CDH13: variants seen among roughly 807,000 people sequenced by gnomAD.
CDH13 encodes the protein cadherin-13.
Under a neutral mutation model 63.8 loss-of-function variants are expected in CDH13, and 24 were observed. The observed-to-expected ratio is 0.38, with a 90% confidence interval of 0.27 to 0.53. The LOEUF is 0.53. Ranked by LOEUF, CDH13 falls within the 20% of genes least tolerant of loss-of-function variation. The pLI is 0.85. For synonymous variants in CDH13, 503 were observed against 355.3 expected, an observed-to-expected ratio of 1.42 and a Z score of -4.67; for missense variants, 1,049 against 903.1, an observed-to-expected ratio of 1.16 and a Z score of -2.07.
chr16:83,434,559 C>T (rs1354231410), intron 6 of CDH13, among the ~76,000 whole-genome samples: 2 of 151,988 alleles, frequency 1.3e-5, no homozygotes, highest in African/African-American at 4.8e-5. Context: ...CCCTCCTCCA[C>T]TCCCTCCATC....
At chr16:83,725,425 C>G (rs1212955713) in intron 10 of CDH13, 1 of 152,354 alleles carries the variant, frequency 6.6e-6, no homozygotes, top group African/African-American at 2.4e-5. Context: ...CTCCTCCAGG[C>G]CTACACAGTT....
intron 7 of CDH13, among the ~76,000 whole-genome samples, chr16:83,500,293 TCTCCTTCTCCTTCTC>T (rs2074244056): frequency 5.3e-4 from 1 of 1,888 alleles, no homozygotes; most frequent in African/African-American, 5.8e-4. Context: ...TTCTTCTTCT[TCTCCTTCTCCTTCTC>T]CTTCTCCTTC....
At chr16:82,771,983 G>T (rs57144953) in intron 1 of CDH13, among the ~76,000 whole-genome samples, 1 of 152,212 alleles carries the variant, frequency 6.6e-6, no homozygotes, top group East Asian at 1.9e-4. Flanking sequence ...TGGGCAGGCA[G>T]GGGCACAAGT....
At chr16:82,704,167 C>G (rs2031287286) in intron 1 of CDH13, among the ~76,000 whole-genome samples, 1 of 151,940 alleles carries the variant, frequency 6.6e-6, no homozygotes, top group African/African-American at 2.4e-5. Flanking sequence ...TGGGGGTGGG[C>G]ATGGGGGGTT....
intron 6 of CDH13, among the ~76,000 whole-genome samples, chr16:83,432,496 T>C (rs960550660): frequency 6.6e-6 from 1 of 152,170 alleles, no homozygotes; most frequent in Non-Finnish European, 1.5e-5. Flanking sequence ...TTCTGGGGCA[T>C]GGAGAACAGT....
Position 83,543,627 on chromosome 16 carries a change from T to A in CDH13, c.960+56972T>A, listed in dbSNP as rs965983070. Among the ~76,000 whole-genome samples, 4 of 152,308 alleles carry A rather than the reference T, an allele frequency of 2.6e-5. No homozygotes were observed. The South Asian group carries it at 6.2e-4, about 24-fold the overall frequency. On this transcript the variant is annotated intron_variant, in intron 7 of 13. Transcript: ENST00000567109. ...TTCACCTAAGTCAGTGGTTCTCAAC[T>A]GGGGGTGATTGTGCTCCTCAGGGGA...
At chr16:83,681,718 AGCCTTTG>A (rs1202396607) in intron 10 of CDH13, among the ~76,000 whole-genome samples, 16 of 152,176 alleles carry the variant, frequency 1.1e-4, no homozygotes, top group African/African-American at 3.9e-4. Context: ...AATTATTTGC[AGCCTTTG>A]ATCCTGCACA....
intron 7 of CDH13, among the ~76,000 whole-genome samples, chr16:83,527,639 G>A (rs2074994923): frequency 6.6e-6 from 1 of 152,130 alleles, no homozygotes; most frequent in African/African-American, 2.4e-5. Flanking sequence ...TTTTTCATTT[G>A]TAAGTTAGTG....
chr16:83,103,593 T>G (rs2034620908), intron 3 of CDH13, among the ~76,000 whole-genome samples: 2 of 151,976 alleles, frequency 1.3e-5, no homozygotes, highest in African/African-American at 4.8e-5. Context: ...AGATAAGAGG[T>G]AGAGTGGGTG....
At chr16:82,947,376 A>G (rs918282320) in intron 2 of CDH13, among the ~76,000 whole-genome samples, 14 of 152,200 alleles carry the variant, frequency 9.2e-5, no homozygotes, top group African/African-American at 3.4e-4. Flanking sequence ...GAATTAAAAA[A>G]TATTATAGTT....
chr16:82,848,089 AG>A (rs922156674), intron 1 of CDH13, among the ~76,000 whole-genome samples: 1 of 152,140 alleles, frequency 6.6e-6, no homozygotes, highest in Non-Finnish European at 1.5e-5. Context: ...AGAAAGTTGG[AG>A]GTTTTGTAAC....
At chr16:82,771,552 G>A (rs1387551754) in intron 1 of CDH13, among the ~76,000 whole-genome samples, 2 of 152,204 alleles carry the variant, frequency 1.3e-5, no homozygotes. Flanking sequence ...AGACAGTGAG[G>A]CAAAGGACAT....
chr16:82,722,720 C>T (rs1360022801), intron 1 of CDH13, among the ~76,000 whole-genome samples: 1 of 152,160 alleles, frequency 6.6e-6, no homozygotes, highest in Non-Finnish European at 1.5e-5. Context: ...TATGCAAGCT[C>T]TGCCTAGTTC....
At chr16:82,904,331 T>G (rs2041570790) in intron 2 of CDH13, among the ~76,000 whole-genome samples, 1 of 152,194 alleles carries the variant, frequency 6.6e-6, no homozygotes, top group African/African-American at 2.4e-5. Context: ...CCAAATCCAT[T>G]GCAAGTAGCT....
intron 2 of CDH13, among the ~76,000 whole-genome samples, chr16:82,950,954 G>A (rs1457697789): frequency 6.6e-6 from 1 of 152,030 alleles, no homozygotes; most frequent in Non-Finnish European, 1.5e-5. Flanking sequence ...TGTGAATCTA[G>A]AACTCTCCAA....
chr16:83,597,481 G>C (rs1358526899), intron 7 of CDH13, among the ~76,000 whole-genome samples: 1 of 152,198 alleles, frequency 6.6e-6, no homozygotes, highest in Non-Finnish European at 1.5e-5. Flanking sequence ...GTACCTCCGT[G>C]TGTGTCCACT....
chr16:83,454,398 G>C (rs1328656370), intron 6 of CDH13, among the ~76,000 whole-genome samples: 1 of 152,144 alleles, frequency 6.6e-6, no homozygotes, highest in African/African-American at 2.4e-5. Flanking sequence ...TTTCAATATT[G>C]ACACTAGAAA....
At chr16:82,713,830 A>AG (rs1555505055) in intron 1 of CDH13, among the ~76,000 whole-genome samples, 3 of 151,312 alleles carry the variant, frequency 2.0e-5, no homozygotes, top group Non-Finnish European at 4.4e-5. Flanking sequence ...ACAAAAAAAA[A>AG]GGAAAACAAT....
rs189433875 is a variant in CDH13, at chr16:83,361,052, G to A, written c.781+16046G>A. Among the ~76,000 whole-genome samples the A allele has an allele frequency of 3.4e-3, 524 of 152,186 alleles. 3 individuals are homozygous for A. The highest frequency in any genetic ancestry group is 0.012 in the African/African-American group (512 of 41,530). On this transcript the variant is annotated intron_variant, in intron 6 of 13. Transcript: ENST00000567109. Reference sequence around the variant, plus strand: ...TGCCTGAAGTAATTTACATTCCCACGAACAGTATATAAGCTTTCCCTTTTC... The same window carrying A: ...TGCCTGAAGTAATTTACATTCCCACAAACAGTATATAAGCTTTCCCTTTTC...
Sources: gnomAD v4.1 joint callset for allele counts (sites outside exome capture counted in the v4.1 genomes callset) on GRCh38, gnomAD v4.1.1 for gene constraint, MANE v1.5 for transcripts, NCBI Gene and HGNC (gene_info 2026-07-23, HGNC 2026-07-21) for gene names.